HJV: variants seen among roughly 807,000 people sequenced by gnomAD.
The protein encoded by HJV is hemojuvelin BMP co-receptor.
HJV carries 18 observed loss-of-function variants against 22.7 expected under a neutral mutation model. The ratio of observed to expected loss-of-function variants is 0.79; its 90% CI spans 0.55 to 1.18. The LOEUF is 1.18. HJV is among the 50% of genes most tolerant of loss of function. The probability of loss-of-function intolerance (pLI) is 0.00; values close to 1 mark genes in which losing one functional copy is unlikely to be tolerated. For missense variants in HJV, 572 were observed against 553.0 expected (o/e 1.03, Z -0.34); for synonymous variants, 229 against 222.7 (o/e 1.03, Z -0.25).
rs1553769232 is a variant in HJV at position 146,017,512 on chromosome 1, G to T, written c.*565C>A. 1.2e-5 allele frequency: 2 copies of T among 173,890 alleles called. No homozygotes were observed. The highest frequency in any genetic ancestry group is 4.8e-5 in the African/African-American group (2 of 41,454). The allele number at this position is 173,890 out of a possible 1,614,324, so 10.8% of individuals were successfully genotyped here. A position where few individuals can be genotyped will look rare whatever the true frequency, so the allele number is the denominator to read the frequency against. On this transcript the variant is annotated 3_prime_UTR_variant, in exon 4 of 4. Coordinates refer to ENST00000336751, the MANE Select transcript of HJV (RefSeq NM_213653.4). ...AGCTTTAATAACAGATTAGTTAGGG[G>T]GTAGGGATGATACTTCTGTCCTACC...
intron 1 of HJV, among the ~76,000 whole-genome samples, 183 bp from the exon 2 acceptor site, chr1:146,020,503 T>C (rs1553769991): frequency 6.6e-6 from 1 of 152,084 alleles, no homozygotes; most frequent in African/African-American, 2.4e-5. Flanking sequence ...TGGCCACTTT[T>C]AGGGCCCTTG....
chr1:146,019,394 G>A lies in HJV; in HGVS notation c.438C>T (p.Asp146=). Residue 146 remains aspartate (D), a synonymous_variant, in exon 3 of 4, where the codon GAC becomes GAT. Coordinates refer to ENST00000336751, the MANE Select transcript of HJV (RefSeq NM_213653.4). Reference sequence around the variant, plus strand: ...AAAACCGGCCTTCATAGTCACAAGGGTCCGGGGCAGGGAGGCCGGAGCCCG... The same window carrying A: ...AAAACCGGCCTTCATAGTCACAAGGATCCGGGGCAGGGAGGCCGGAGCCCG... The part of the protein sequence containing the change: ...PGAGSGLPAP[D]PCDYEGRFSR... 3 of 1,613,592 alleles carry A rather than the reference G, an allele frequency of 1.9e-6. No individual in the cohort carries two copies. Among genetic ancestry groups the A allele is most frequent in the East Asian group, 2.2e-5 (1 of 44,874 alleles).
In HJV at chr1:146,018,390, G is replaced by C; in HGVS notation, c.968C>G (p.Pro323Arg). The C allele has an allele frequency of 6.2e-7, 1 of 1,614,174 alleles. No individual in the cohort carries two copies. Among genetic ancestry groups the C allele is most frequent in the Non-Finnish European group, 8.5e-7 (1 of 1,180,042 alleles). The change falls in exon 4 of 4, where the codon CCA becomes CGA. Residue 323 changes from proline (P) to arginine (R), a missense_variant. Coordinates refer to ENST00000336751, the MANE Select transcript of HJV (RefSeq NM_213653.4). ...CTCTGATCGAGAGAGTCGCTGACTT[G>C]GAGGGCACCCCCCAACACAGAGCTG... ...DLQLCVGGCP[P>R]SQRLSRSERN...
chr1:146,020,197 GAC>G lies in HJV; in HGVS notation c.33_34del (p.Arg11SerfsTer34). The stretch of plus-strand genomic sequence containing the variant: ...TAGAGTTGGGGGACTGCCATGGGAG[GAC>G]CTGGGACTAGGGGACTGGCCTGGCT... On this transcript the variant is annotated frameshift_variant, in exon 2 of 4. Transcript: ENST00000336751. LOFTEE classifies it high-confidence loss of function. The G allele has an allele frequency of 1.2e-6, 2 of 1,613,388 alleles. No individual in the cohort carries two copies. The highest frequency in any genetic ancestry group is 1.7e-6 in the Non-Finnish European group (2 of 1,179,418).
At chr1:146,020,347 GGA>G (rs782497877) in intron 1 of HJV, 27 bp from the exon 2 acceptor site, 6 of 751,678 alleles carry the variant, frequency 8.0e-6, no homozygotes, top group East Asian at 2.5e-5. Context: ...GGCTGGACAT[GGA>G]GAGAGAGAAG....
chr1:146,019,063 G>T, intron 3 of HJV, 112 bp downstream of exon 3: 1 of 949,322 alleles, frequency 1.1e-6, no homozygotes, highest in Non-Finnish European at 1.7e-6. Context: ...GGGAGAGGTT[G>T]AGGAAGAAAA....
At chr1:146,020,054 CTCAT>C in intron 2 of HJV, 77 bp downstream of exon 2, 2 of 971,342 alleles carry the variant, frequency 2.1e-6, no homozygotes, top group Non-Finnish European at 3.4e-6. Context: ...TCTCTCCTCA[CTCAT>C]TCAGGCTCAC....
Position 146,019,514 on chromosome 1 carries a change from C to A in HJV, c.318G>T (p.Ala106=), listed in dbSNP as rs782274848. ...TCRGDLAFHS[A]VHGIEDLMIQ... ...TCATCAGGTCTTCGATGCCATGTACCGCCGAATGGAAGGCGAGGTCCCCGC... is the reference window on the plus strand; with the variant it reads ...TCATCAGGTCTTCGATGCCATGTACAGCCGAATGGAAGGCGAGGTCCCCGC... Residue 106 remains alanine, a synonymous_variant, in exon 3 of 4, where the codon GCG becomes GCT. Coordinates refer to ENST00000336751, the MANE Select transcript of HJV (RefSeq NM_213653.4). 1 of 1,612,964 alleles carries A rather than the reference C, an allele frequency of 6.2e-7. No individual in the cohort carries two copies. The highest frequency in any genetic ancestry group is 2.2e-5 in the East Asian group (1 of 44,880).
Position 146,017,931 on chromosome 1 carries a change from TG to T in HJV, c.*145del. The T allele has an allele frequency of 1.1e-6, 1 of 897,544 alleles. No individual in the cohort carries two copies. Among genetic ancestry groups the T allele is most frequent in the Non-Finnish European group, 1.8e-6 (1 of 571,176 alleles). 55.6% of individuals were successfully genotyped at this position (897,544 alleles called of 1,614,324 possible). A position where few individuals can be genotyped will look rare whatever the true frequency, so the allele number is the denominator to read the frequency against. On this transcript the variant is annotated 3_prime_UTR_variant, in exon 4 of 4. Coordinates refer to ENST00000336751, the MANE Select transcript of HJV (RefSeq NM_213653.4). ...CCTTATTCTGTGATAATTTCAACCC[TG>T]GACTGCAGCCTCATCTGACTCTGGA...
intron 1 of HJV, 118 bp from the exon 2 acceptor site, chr1:146,020,438 A>AT (rs1553769970): frequency 2.9e-5 from 16 of 542,554 alleles, no homozygotes; most frequent in Non-Finnish European, 4.0e-5. Flanking sequence ...ATTTGGGGAG[A>AT]TTGGAGTTCC....
intron 1 of HJV, among the ~76,000 whole-genome samples, chr1:146,021,128 G>A (rs1553770065): frequency 1.3e-5 from 2 of 152,168 alleles, no homozygotes; most frequent in Admixed American, 6.5e-5. Flanking sequence ...TCCTGCAAGA[G>A]GGAGAATAGA....
At chr1:146,020,622 G>A (rs1391643546) in intron 1 of HJV, among the ~76,000 whole-genome samples, 2 of 152,154 alleles carry the variant, frequency 1.3e-5, no homozygotes, top group African/African-American at 4.8e-5. Context: ...GTCAAAGATG[G>A]AGGAATCATG....
intron 1 of HJV, among the ~76,000 whole-genome samples, chr1:146,020,589 C>T (rs1652673288): frequency 6.6e-6 from 1 of 152,142 alleles, no homozygotes; most frequent in Non-Finnish European, 1.5e-5. Flanking sequence ...TTGCTCCATT[C>T]TGAGCTACCA....
chr1:146,019,311 T>TG lies in HJV; in HGVS notation c.520dup (p.His174ProfsTer23). 1 of 1,613,800 alleles carries TG rather than the reference T, an allele frequency of 6.2e-7. No individual in the cohort carries two copies. The highest frequency in any genetic ancestry group is 1.1e-5 in the South Asian group (1 of 91,084). On this transcript the variant is annotated frameshift_variant, in exon 3 of 4. Transcript: ENST00000336751. LOFTEE classifies it high-confidence loss of function. ...AAAGTGATGGTGGAAGCTGCGCACA[T>TG]GGGGGTCCCCGAAGGAAGCGCAATG...
At position 146,018,131 on chromosome 1, in the gene HJV, G is replaced by T. The variant is rs782705517; in HGVS notation, c.1227C>A (p.Thr409=). The part of the protein sequence containing the change: ...SDAGVPLSSA[T]LLAPLLSGLF... ...GCCCAGAAAGGAGTGGAGCTAAGAG[G>T]GTTGCTGAGGAAAGAGGAACCCCAG... The change falls in exon 4 of 4, where the codon ACC becomes ACA. Residue 409 remains threonine, a synonymous_variant. Coordinates refer to ENST00000336751, the MANE Select transcript of HJV (RefSeq NM_213653.4). 2 of 1,614,154 alleles carry T rather than the reference G, an allele frequency of 1.2e-6. No individual in the cohort carries two copies. Among genetic ancestry groups the T allele is most frequent in the Admixed American group, 3.3e-5 (2 of 60,022 alleles).
In HJV at chr1:146,019,608, C is replaced by G. The variant is rs2101985281; in HGVS notation, c.224G>C (p.Gly75Ala). 20 of 1,612,486 alleles carry G rather than the reference C, an allele frequency of 1.2e-5. No homozygotes were observed. Among genetic ancestry groups the G allele is most frequent in the Non-Finnish European group, 1.7e-5 (20 of 1,178,954 alleles). The change falls in exon 3 of 4, where the codon GGC becomes GCC. Residue 75 changes from glycine to alanine, a missense_variant. Coordinates refer to ENST00000336751, the MANE Select transcript of HJV (RefSeq NM_213653.4). Reference protein sequence around the residue: ...GGGGGRGGGVGSGGLCRALRS... With the variant: ...GGGGGRGGGVASGGLCRALRS... ...GAGGGCTCGACAGAGGCCGCCAGAG[C>G]CCACCCCTCCACCCCGGCCTCCTCC...
Position 146,019,319 on chromosome 1 carries a change from C to A in HJV, c.513G>T (p.Gly171=), listed in dbSNP as rs999927971. ...PPGFLHCASF[G]DPHVRSFHHH... is the part of the protein sequence containing the mutation. The stretch of plus-strand genomic sequence containing the variant: ...GGTGGAAGCTGCGCACATGGGGGTC[C>A]CCGAAGGAAGCGCAATGCAAGAACC... The change falls in exon 3 of 4, where the codon GGG becomes GGT. Residue 171 remains glycine (G), a synonymous_variant. Coordinates refer to ENST00000336751, the MANE Select transcript of HJV (RefSeq NM_213653.4). The A allele has an allele frequency of 1.9e-6, 3 of 1,613,690 alleles. No homozygotes were observed. Among genetic ancestry groups the A allele is most frequent in the African/African-American group, 1.3e-5 (1 of 74,934 alleles).
intron 3 of HJV, 48 bp downstream of exon 3, chr1:146,019,127 G>T: frequency 6.8e-7 from 1 of 1,465,650 alleles, no homozygotes; most frequent in South Asian, 1.1e-5. Flanking sequence ...AATGGTGCCC[G>T]TGGAAGAATC....
chr1:146,019,268 T>C lies in HJV; in HGVS notation c.564A>G (p.Gln188=). 6.2e-7 allele frequency: 1 copy of C among 1,613,984 alleles called. No individual in the cohort carries two copies. The highest frequency in any genetic ancestry group is 8.5e-7 in the Non-Finnish European group (1 of 1,180,044). Residue 188 remains glutamine, a synonymous_variant, in exon 3 of 4, where the codon CAA becomes CAG. Coordinates refer to ENST00000336751, the MANE Select transcript of HJV (RefSeq NM_213653.4). ...FHHHFHTCRV[Q]GAWPLLDNDF... ...CATTATCCAGTAGAGGCCAAGCTCCTTGGACACGGCATGTGTGAAAGTGAT... is the reference window on the plus strand; with the variant it reads ...CATTATCCAGTAGAGGCCAAGCTCCCTGGACACGGCATGTGTGAAAGTGAT...
Sources: gnomAD v4.1 joint callset for allele counts (sites outside exome capture counted in the v4.1 genomes callset) on GRCh38, gnomAD v4.1.1 for gene constraint, MANE v1.5 for transcripts, NCBI Gene and HGNC (gene_info 2026-07-23, HGNC 2026-07-21) for gene names.